Variants in BMP7 observed in about 807,000 individuals in gnomAD.
The protein encoded by BMP7 is bone morphogenetic protein 7.
BMP7 carries 12 observed loss-of-function variants against 41.2 expected under a neutral mutation model. The observed-to-expected ratio is 0.29, with a 90% confidence interval of 0.19 to 0.47. The LOEUF (loss-of-function observed/expected upper bound fraction) is 0.47. Ranked by LOEUF, BMP7 falls within the 20% of genes least tolerant of loss-of-function variation. The probability of loss-of-function intolerance (pLI) is 0.99; values close to 1 mark genes in which losing one functional copy is unlikely to be tolerated. For synonymous variants in BMP7, 248 were observed against 250.0 expected, an observed-to-expected ratio of 0.99 and a Z score of 0.07; for missense variants, 467 against 606.0, an observed-to-expected ratio of 0.77 and a Z score of 2.41.
At chr20:57,250,538 CAAAAA>C (rs57036984) in intron 1 of BMP7, among the ~76,000 whole-genome samples, 1 of 89,548 alleles carries the variant, frequency 1.1e-5, no homozygotes. Context: ...GACTCTGACT[CAAAAA>C]AAAAAAAAAA....
intron 1 of BMP7, among the ~76,000 whole-genome samples, chr20:57,243,132 G>A (rs1349719580): frequency 6.6e-6 from 1 of 152,214 alleles, no homozygotes; most frequent in African/African-American, 2.4e-5. Context: ...CCAAGGGTTT[G>A]CAGGGGGCCA....
chr20:57,211,484 C>T (rs1984882590), intron 2 of BMP7, among the ~76,000 whole-genome samples: 1 of 152,232 alleles, frequency 6.6e-6, no homozygotes, highest in African/African-American at 2.4e-5. Context: ...CCCTCAGACA[C>T]ATCCAGGTCC....
intron 2 of BMP7, among the ~76,000 whole-genome samples, chr20:57,221,854 G>C (rs1357287170): frequency 6.7e-6 from 1 of 150,072 alleles, no homozygotes; most frequent in East Asian, 1.9e-4. Context: ...GCAGGGATAA[G>C]GGTGTCTCCA....
At chr20:57,225,103 C>T (rs1454286483) in intron 2 of BMP7, among the ~76,000 whole-genome samples, 1 of 152,192 alleles carries the variant, frequency 6.6e-6, no homozygotes, top group Non-Finnish European at 1.5e-5. Context: ...GCAGGGCAGG[C>T]TCTGGGCTCC....
intron 1 of BMP7, among the ~76,000 whole-genome samples, chr20:57,256,125 C>T (rs757390819): frequency 6.6e-6 from 1 of 152,158 alleles, no homozygotes; most frequent in Non-Finnish European, 1.5e-5. Context: ...TGGAAGCCTC[C>T]AGAACATCAG....
chr20:57,194,739 C>A (rs1568710431), intron 3 of BMP7, among the ~76,000 whole-genome samples: 1 of 152,248 alleles, frequency 6.6e-6, no homozygotes, highest in Non-Finnish European at 1.5e-5. Context: ...CAAGGTAGAA[C>A]TGTGACCCCA....
At chr20:57,203,215 T>A (rs1418188529) in intron 2 of BMP7, among the ~76,000 whole-genome samples, 2 of 152,226 alleles carry the variant, frequency 1.3e-5, no homozygotes, top group Non-Finnish European at 2.9e-5. Context: ...ACCATCTTTA[T>A]GAGCCCACCA....
intron 1 of BMP7, among the ~76,000 whole-genome samples, chr20:57,237,340 T>G (rs2066051848): frequency 6.6e-6 from 1 of 152,142 alleles, no homozygotes; most frequent in Non-Finnish European, 1.5e-5. Context: ...CCGGTACCCA[T>G]TTAACTCTGA....
chr20:57,209,950 C>A (rs1984840756), intron 2 of BMP7, among the ~76,000 whole-genome samples: 1 of 152,178 alleles, frequency 6.6e-6, no homozygotes, highest in South Asian at 2.1e-4. Flanking sequence ...GCAAGCCTGG[C>A]TCTCATCTTC....
In BMP7 at chr20:57,174,967, G is replaced by A. The variant is rs61733437; in HGVS notation, c.999C>T (p.His333=). 4.2e-5 allele frequency: 67 copies of A among 1,612,156 alleles called. No homozygotes were observed. Among genetic ancestry groups the A allele is most frequent in the South Asian group, 2.9e-4 (26 of 90,930 alleles). The change falls in exon 5 of 7, where the codon CAC becomes CAT. Residue 333 remains histidine (H), a synonymous_variant. Coordinates refer to ENST00000395863, the MANE Select transcript of BMP7 (RefSeq NM_001719.3). This position sits in a 1 kb window ranked among gnomAD's most constrained non-coding sequence, Gnocchi z 4.3. ...GGTCTCGGAAGCTGACATACAGCTC[G>A]TGCTTCTTACAGGCCTGCCTCTGGT... ...SSDQRQACKK[H]ELYVSFRDLG...
intron 3 of BMP7, among the ~76,000 whole-genome samples, chr20:57,184,676 T>C (rs1436269928): frequency 6.6e-6 from 1 of 152,034 alleles, no homozygotes; most frequent in Admixed American, 6.5e-5. Flanking sequence ...TGTGCTGTCG[T>C]CAGTTAAAAT....
At chr20:57,197,353 A>C (rs1600617666) in intron 3 of BMP7, among the ~76,000 whole-genome samples, 1 of 152,232 alleles carries the variant, frequency 6.6e-6, no homozygotes, top group African/African-American at 2.4e-5. Flanking sequence ...CCAGGTGAAA[A>C]GCCAGGTAAG....
At chr20:57,201,575 G>A (rs1984621262) in intron 3 of BMP7, among the ~76,000 whole-genome samples, 1 of 152,256 alleles carries the variant, frequency 6.6e-6, no homozygotes, top group African/African-American at 2.4e-5. Context: ...AAGTGGGAGG[G>A]AAACTATTTA....
chr20:57,183,672 C>T (rs1984140604), intron 4 of BMP7, 50 bp downstream of exon 4: 1 of 1,610,558 alleles, frequency 6.2e-7, no homozygotes, highest in Non-Finnish European at 8.5e-7. Context: ...CCCGCCGGGG[C>T]CCTGCTGGGT....
chr20:57,191,940 A>G (rs1334555758), intron 3 of BMP7, among the ~76,000 whole-genome samples: 2 of 129,802 alleles, frequency 1.5e-5, no homozygotes, highest in African/African-American at 6.1e-5. Flanking sequence ...ATTATAGTAT[A>G]TTATATAATA....
chr20:57,183,104 G>A (rs544769913), intron 4 of BMP7, among the ~76,000 whole-genome samples: 84 of 152,078 alleles, frequency 5.5e-4, no homozygotes, highest in Non-Finnish European at 1.0e-3. Flanking sequence ...ACACAGTGGT[G>A]CACACCTGTA....
chr20:57,264,762 C>T (rs1947212175), intron 1 of BMP7, among the ~76,000 whole-genome samples: 1 of 148,496 alleles, frequency 6.7e-6, no homozygotes, highest in Non-Finnish European at 1.5e-5. Context: ...GGCACAGTGG[C>T]TCACGCCTGT....
In BMP7 at chr20:57,207,812, T is replaced by TG. The variant is rs1491477368; in HGVS notation, c.612-5190_612-5189insC. ...TTTCCCATCCCCATACCCCAGTTGG[T>TG]TTTTTTTTTTTTTTTTTTTTTTTTT... On this transcript the variant is annotated intron_variant, in intron 2 of 6. Transcript: ENST00000395863. Among the ~76,000 whole-genome samples the TG allele has an allele frequency of 5.1e-4, 12 of 23,504 alleles. 3 individuals carry two copies. The highest frequency in any genetic ancestry group is 5.7e-4 in the African/African-American group (2 of 3,492). 15.4% of individuals were successfully genotyped at this position (23,504 alleles called of 152,430 possible).
rs551353565 is a variant in BMP7, at chr20:57,187,843, G to T, written c.761-3924C>A. On this transcript the variant is annotated intron_variant, in intron 3 of 6. Transcript: ENST00000395863. ...TCTTGCCCCTTTCCTAGAGACTTGG[G>T]GACAGGGAGCATGGTGCCAGCCATC... is the stretch of plus-strand genomic sequence containing the variant. Among the ~76,000 whole-genome samples the T allele has an allele frequency of 1.1e-4, 17 of 152,296 alleles. No homozygotes were observed. The South Asian group carries it at 3.5e-3, about 32-fold the overall frequency.
Sources: allele counts gnomAD v4.1 joint callset (sites outside exome capture counted in the v4.1 genomes callset), GRCh38; gene constraint gnomAD v4.1.1; non-coding constraint Gnocchi (gnomAD v3.1); transcripts MANE v1.5; gene names NCBI Gene and HGNC (gene_info 2026-07-23, HGNC 2026-07-21).